Variants in CLSTN2 observed in about 807,000 individuals in gnomAD.
The protein encoded by CLSTN2 is calsyntenin-2.
In CLSTN2, 48 loss-of-function variants were observed where a neutral mutation model predicts 101.2. That is an observed-to-expected ratio of 0.47 (90% confidence interval 0.38 to 0.60). CLSTN2 has a LOEUF of 0.60. Among genes scored for constraint, CLSTN2 ranks in the 20% least tolerant of loss-of-function variants. The pLI is 0.00. For synonymous variants in CLSTN2, 481 were observed against 463.6 expected, an observed-to-expected ratio of 1.04 and a Z score of -0.48; for missense variants, 1,160 against 1,238.2, an observed-to-expected ratio of 0.94 and a Z score of 0.95.
At chr3:140,537,844 G>A (rs1348999726) in intron 9 of CLSTN2, among the ~76,000 whole-genome samples, 2 of 152,136 alleles carry the variant, frequency 1.3e-5, no homozygotes, top group East Asian at 3.9e-4. Flanking sequence ...AACTGGTCCT[G>A]ATCACCTGGG....
chr3:140,547,213 C>A (rs1935611604), intron 10 of CLSTN2, among the ~76,000 whole-genome samples: 2 of 152,176 alleles, frequency 1.3e-5, no homozygotes, highest in South Asian at 4.1e-4. Context: ...CTGTGGCTCA[C>A]GTCTGTAGTC....
chr3:139,969,518 A>G (rs576606647), intron 1 of CLSTN2, among the ~76,000 whole-genome samples: 30 of 152,146 alleles, frequency 2.0e-4, no homozygotes, highest in Non-Finnish European at 3.8e-4. Flanking sequence ...TCTTCTTGTT[A>G]CCAACTACAT....
intron 8 of CLSTN2, among the ~76,000 whole-genome samples, chr3:140,496,628 G>A (rs909385359): frequency 6.6e-6 from 1 of 152,180 alleles, no homozygotes; most frequent in African/African-American, 2.4e-5. Context: ...AGTATTTTTA[G>A]TATGTTCCTT....
intron 1 of CLSTN2, among the ~76,000 whole-genome samples, chr3:140,155,743 T>C (rs377339400): frequency 3.3e-4 from 51 of 152,342 alleles, no homozygotes; most frequent in South Asian, 3.1e-3. Context: ...CACACTTGCT[T>C]GCTGAGTGAC....
chr3:140,316,785 G>A (rs1353861104), intron 2 of CLSTN2, among the ~76,000 whole-genome samples: 1 of 152,148 alleles, frequency 6.6e-6, no homozygotes, highest in East Asian at 1.9e-4. Flanking sequence ...ATTCTAATCT[G>A]TCACTGTGTT....
At chr3:140,022,894 G>A (rs1413376814) in intron 1 of CLSTN2, among the ~76,000 whole-genome samples, 1 of 152,184 alleles carries the variant, frequency 6.6e-6, no homozygotes, top group Non-Finnish European at 1.5e-5. Flanking sequence ...AGATCCCTGA[G>A]TCCCTGTGCG....
chr3:139,955,112 C>CTTTATATATATATATATA (rs1553785579), intron 1 of CLSTN2, among the ~76,000 whole-genome samples: 1 of 71,504 alleles, frequency 1.4e-5, no homozygotes, highest in Non-Finnish European at 2.5e-5. Context: ...GGCAATATTG[C>CTTTATATATATATATATA]TATATATATA....
chr3:140,439,144 C>T (rs1249909001), intron 5 of CLSTN2, among the ~76,000 whole-genome samples: 1 of 152,224 alleles, frequency 6.6e-6, no homozygotes, highest in Non-Finnish European at 1.5e-5. Flanking sequence ...TTTCCTCTCA[C>T]AGCATGGGGA....
intron 8 of CLSTN2, among the ~76,000 whole-genome samples, chr3:140,470,926 G>A (rs1395255967): frequency 6.6e-6 from 1 of 152,136 alleles, no homozygotes; most frequent in East Asian, 1.9e-4. Context: ...GAGTGCTGCT[G>A]AGAGAGGCAG....
intron 1 of CLSTN2, among the ~76,000 whole-genome samples, chr3:140,055,482 C>T (rs1171382095): frequency 6.6e-6 from 1 of 152,176 alleles, no homozygotes; most frequent in African/African-American, 2.4e-5. Context: ...TTTTGCCACT[C>T]ATTAGCTGTG....
intron 9 of CLSTN2, among the ~76,000 whole-genome samples, chr3:140,538,347 C>T (rs1021860573): frequency 7.2e-5 from 11 of 152,168 alleles, no homozygotes; most frequent in Non-Finnish European, 1.5e-4. Context: ...AATAAGGCAG[C>T]AGGATGTAGA....
intron 1 of CLSTN2, among the ~76,000 whole-genome samples, chr3:139,997,448 C>T (rs967458932): frequency 6.6e-6 from 1 of 152,198 alleles, no homozygotes; most frequent in Middle Eastern, 3.2e-3. Context: ...TTTGCAGCTC[C>T]ATGGAGTGAA....
intron 8 of CLSTN2, among the ~76,000 whole-genome samples, chr3:140,469,308 T>C (rs1269723431): frequency 6.6e-6 from 1 of 152,176 alleles, no homozygotes; most frequent in Non-Finnish European, 1.5e-5. Context: ...GAGCCCCAGC[T>C]CACCTGCACA....
intron 1 of CLSTN2, among the ~76,000 whole-genome samples, chr3:140,091,621 A>C (rs1050357067): frequency 1.3e-5 from 2 of 152,216 alleles, no homozygotes; most frequent in East Asian, 3.9e-4. Context: ...GGAAATGAAA[A>C]CATTTCCTCA....
In CLSTN2 at chr3:139,950,865, G is replaced by A. The variant is rs539251729; in HGVS notation, c.109+15382G>A. ...TGTTGTCAGTTCGCAGCAACACCAC[G>A]TGAATCACTGTGAATTCAACAGCTT... On this transcript the variant is annotated intron_variant, in intron 1 of 16. Transcript: ENST00000458420. Among the ~76,000 whole-genome samples, 12 of 152,326 alleles carry A rather than the reference G, an allele frequency of 7.9e-5. 1 individual carries two copies. The South Asian group carries it at 2.1e-3, about 26-fold the overall frequency.
intron 2 of CLSTN2, among the ~76,000 whole-genome samples, chr3:140,207,731 T>C (rs1161193685): frequency 6.6e-6 from 1 of 152,136 alleles, no homozygotes; most frequent in African/African-American, 2.4e-5. Flanking sequence ...AGGATTCGAA[T>C]TGCTGGGTCA....
At chr3:140,080,558 C>T (rs2008578901) in intron 1 of CLSTN2, among the ~76,000 whole-genome samples, 1 of 152,156 alleles carries the variant, frequency 6.6e-6, no homozygotes, top group South Asian at 2.1e-4. Flanking sequence ...AGTCTCTCTT[C>T]ATTAAGACTA....
intron 1 of CLSTN2, among the ~76,000 whole-genome samples, chr3:139,944,531 A>G (rs1489452845): frequency 1.3e-5 from 2 of 152,204 alleles, no homozygotes; most frequent in African/African-American, 4.8e-5. Context: ...TTCACCCACC[A>G]GTCCTTTATT....
At chr3:140,177,746 T>A (rs1240998750) in intron 2 of CLSTN2, among the ~76,000 whole-genome samples, 1 of 152,164 alleles carries the variant, frequency 6.6e-6, no homozygotes, top group Non-Finnish European at 1.5e-5. Context: ...CTGTGAACTC[T>A]GATTGCACCA....
Sources: gnomAD v4.1 joint callset for allele counts (sites outside exome capture counted in the v4.1 genomes callset) on GRCh38, gnomAD v4.1.1 for gene constraint, MANE v1.5 for transcripts, NCBI Gene and HGNC (gene_info 2026-07-23, HGNC 2026-07-21) for gene names.